The following ABTB3 variants were observed in gnomAD, a reference collection of about 807,000 sequenced individuals.
The protein encoded by ABTB3 is ankyrin repeat- and BTB/POZ domain-containing protein 3.
the ABTB3 span, among the ~76,000 whole-genome samples, chr12:107,356,008 A>T: frequency 6.6e-6 from 1 of 152,226 alleles, no homozygotes; most frequent in Non-Finnish European, 1.5e-5. Flanking sequence ...GTCCCATTTT[A>T]AAAAGGCTGT....
At chr12:107,406,230 C>A in the ABTB3 span, among the ~76,000 whole-genome samples, 1 of 152,168 alleles carries the variant, frequency 6.6e-6, no homozygotes, top group Admixed American at 6.5e-5. Context: ...CCAGAAGCAC[C>A]CCATAAATGG....
the ABTB3 span, among the ~76,000 whole-genome samples, chr12:107,628,034 C>G: frequency 6.6e-6 from 1 of 152,284 alleles, no homozygotes; most frequent in East Asian, 1.9e-4. Context: ...CCTTCTGGGG[C>G]CGGTAGCCCA....
At chr12:107,639,265 C>G in the ABTB3 span, among the ~76,000 whole-genome samples, 1 of 152,174 alleles carries the variant, frequency 6.6e-6, no homozygotes, top group Non-Finnish European at 1.5e-5. Flanking sequence ...GCAGTGGAGC[C>G]CAGTCACAAG....
the ABTB3 span, among the ~76,000 whole-genome samples, chr12:107,413,758 C>T: frequency 6.6e-6 from 1 of 152,218 alleles, no homozygotes; most frequent in African/African-American, 2.4e-5. Context: ...CTTTTGACAG[C>T]TCCTGCCCAG....
chr12:107,474,739 A>AAG, the ABTB3 span, among the ~76,000 whole-genome samples: 59 of 152,256 alleles, frequency 3.9e-4, no homozygotes, highest in African/African-American at 1.4e-3. Flanking sequence ...ATTACATTTT[A>AAG]CCAACCTTTA....
the ABTB3 span, among the ~76,000 whole-genome samples, chr12:107,412,472 C>T: frequency 6.6e-6 from 1 of 152,180 alleles, no homozygotes; most frequent in Admixed American, 6.5e-5. Flanking sequence ...CAATGCTGTT[C>T]ATGAAATTGC....
chr12:107,365,744 C>G, the ABTB3 span, among the ~76,000 whole-genome samples: 1 of 152,212 alleles, frequency 6.6e-6, no homozygotes, highest in African/African-American at 2.4e-5. Flanking sequence ...CTTGGCACTG[C>G]ACAGATCCTA....
At chr12:107,527,030 G>A in the ABTB3 span, among the ~76,000 whole-genome samples, 3 of 151,908 alleles carry the variant, frequency 2.0e-5, no homozygotes, top group Non-Finnish European at 2.9e-5. Flanking sequence ...TGCCTGAAAA[G>A]CTCTTCCCCT....
chr12:107,505,618 T>C, the ABTB3 span, among the ~76,000 whole-genome samples: 2 of 151,922 alleles, frequency 1.3e-5, no homozygotes, highest in African/African-American at 4.8e-5. Flanking sequence ...GTAGTACAGA[T>C]TATTTTGTCA....
chr12:107,347,059 A>C, the ABTB3 span, among the ~76,000 whole-genome samples: 1 of 152,246 alleles, frequency 6.6e-6, no homozygotes, highest in Non-Finnish European at 1.5e-5. Context: ...CATTTAGAGC[A>C]GCATATATTA....
chr12:107,519,264 TTCA>T, the ABTB3 span, among the ~76,000 whole-genome samples: 2 of 152,208 alleles, frequency 1.3e-5, no homozygotes, highest in Non-Finnish European at 2.9e-5. Context: ...TTTTTCCACC[TTCA>T]GATCTCCAGT....
chr12:107,532,044 A>G, the ABTB3 span, among the ~76,000 whole-genome samples: 1 of 152,174 alleles, frequency 6.6e-6, no homozygotes, highest in Non-Finnish European at 1.5e-5. Context: ...AGTACCTGAA[A>G]GCTTCCTGCC....
the ABTB3 span, among the ~76,000 whole-genome samples, chr12:107,600,785 A>G: frequency 6.6e-6 from 1 of 152,246 alleles, no homozygotes. Flanking sequence ...TGAGAACAGA[A>G]ACACATGCAC....
At chr12:107,389,847 TG>T in the ABTB3 span, among the ~76,000 whole-genome samples, 1 of 2,226 alleles carries the variant, frequency 4.5e-4, no homozygotes, top group Non-Finnish European at 1.0e-3. Context: ...TGTGTGTGTT[TG>T]TGTGTGTGTG....
chr12:107,599,608 A>G, the ABTB3 span, among the ~76,000 whole-genome samples: 8 of 152,270 alleles, frequency 5.3e-5, no homozygotes, highest in East Asian at 1.5e-3. Context: ...CCCGCTAGGT[A>G]CCTTCATTTT....
At chr12:107,634,201 A>G in the ABTB3 span, among the ~76,000 whole-genome samples, 2 of 152,242 alleles carry the variant, frequency 1.3e-5, no homozygotes, top group African/African-American at 4.8e-5. Context: ...ACAATGAAGT[A>G]GGTAGATTTA....
the ABTB3 span, among the ~76,000 whole-genome samples, chr12:107,526,856 T>A: frequency 6.6e-6 from 1 of 152,158 alleles, no homozygotes; most frequent in Non-Finnish European, 1.5e-5. Flanking sequence ...GTCTTTCCCC[T>A]TGTTTGAAAT....
the ABTB3 span, among the ~76,000 whole-genome samples, chr12:107,328,822 CAGA>C: frequency 6.6e-6 from 1 of 152,194 alleles, no homozygotes; most frequent in African/African-American, 2.4e-5. Context: ...AGGAGGATCC[CAGA>C]AGGACTCAAG....
the ABTB3 span, among the ~76,000 whole-genome samples, chr12:107,434,912 A>C: frequency 1.3e-5 from 2 of 151,916 alleles, no homozygotes; most frequent in Admixed American, 1.3e-4. Context: ...AAAGGCCGAT[A>C]GGCACATGGA....
Sources: allele counts gnomAD v4.1 joint callset (sites outside exome capture counted in the v4.1 genomes callset), GRCh38; gene constraint gnomAD v4.1.1; transcripts MANE v1.5; gene names NCBI Gene and HGNC (gene_info 2026-07-23, HGNC 2026-07-21).